The following PPP1R13B variants were observed in gnomAD, a reference collection of about 807,000 sequenced individuals.
The protein encoded by PPP1R13B is protein phosphatase 1 regulatory subunit 13B.
A neutral mutation model predicts 119.8 loss-of-function variants in PPP1R13B; 44 were observed. That is an observed-to-expected ratio of 0.37 (90% CI 0.29 to 0.47). PPP1R13B has a LOEUF of 0.47. Ranked by LOEUF, PPP1R13B falls within the 20% of genes least tolerant of loss-of-function variation. PPP1R13B has a pLI of 0.99. For missense variants in PPP1R13B, 1,227 were observed against 1,413.5 expected, an observed-to-expected ratio of 0.87 and a Z score of 2.12; for synonymous variants, 542 against 561.5, an observed-to-expected ratio of 0.97 and a Z score of 0.49.
chr14:103,748,856 T>C (rs977493417), intron 8 of PPP1R13B, among the ~76,000 whole-genome samples: 47 of 152,146 alleles, frequency 3.1e-4, no homozygotes. Flanking sequence ...CAGAATGAAG[T>C]AACGACCTGG....
intron 7 of PPP1R13B, among the ~76,000 whole-genome samples, chr14:103,751,379 TTACTC>T: frequency 6.6e-6 from 1 of 152,346 alleles, no homozygotes; most frequent in East Asian, 1.9e-4. Flanking sequence ...ACAAGTGATT[TTACTC>T]TATGTAGTTA....
At chr14:103,741,312 T>A (rs1320012223) in intron 11 of PPP1R13B, among the ~76,000 whole-genome samples, 1 of 152,194 alleles carries the variant, frequency 6.6e-6, no homozygotes, top group Non-Finnish European at 1.5e-5. Flanking sequence ...CTGAGCTCCA[T>A]AACCCAAACC....
chr14:103,761,589 C>T (rs577137320), intron 4 of PPP1R13B, among the ~76,000 whole-genome samples: 1 of 152,068 alleles, frequency 6.6e-6, no homozygotes, highest in East Asian at 1.9e-4. Flanking sequence ...TGGTGAAACA[C>T]TGTCTCTACT....
chr14:103,800,937 G>A (rs1009884543), intron 1 of PPP1R13B, among the ~76,000 whole-genome samples: 2 of 151,816 alleles, frequency 1.3e-5, no homozygotes, highest in African/African-American at 2.4e-5. Context: ...TGCAACCTCC[G>A]CCTCCTGGGT....
intron 8 of PPP1R13B, among the ~76,000 whole-genome samples, chr14:103,748,989 C>G (rs1326946875): frequency 1.3e-5 from 2 of 152,172 alleles, no homozygotes; most frequent in African/African-American, 4.8e-5. Context: ...AAGACTGGAA[C>G]CATTAGCAAC....
At chr14:103,819,331 C>A (rs761511277) in intron 1 of PPP1R13B, among the ~76,000 whole-genome samples, 3 of 151,866 alleles carry the variant, frequency 2.0e-5, no homozygotes, top group Non-Finnish European at 4.4e-5. Context: ...AGGCGGGGAA[C>A]AAGCACAGAA....
At chr14:103,790,046 G>A (rs2085577736) in intron 2 of PPP1R13B, among the ~76,000 whole-genome samples, 1 of 151,832 alleles carries the variant, frequency 6.6e-6, no homozygotes, top group Admixed American at 6.6e-5. Flanking sequence ...AAGAGTTCCA[G>A]ACCAGCCTGG....
intron 1 of PPP1R13B, among the ~76,000 whole-genome samples, chr14:103,815,301 G>A (rs2086252161): frequency 6.6e-6 from 1 of 152,144 alleles, no homozygotes; most frequent in African/African-American, 2.4e-5. Context: ...GGGAGTGACT[G>A]AAAAATGGGT....
upstream of PPP1R13B, chr14:103,847,721 C>T (rs2087098197): frequency 1.3e-6 from 1 of 763,658 alleles, no homozygotes; most frequent in South Asian, 5.9e-5. Context: ...CCGCCCGCTA[C>T]CCTCGCTCTC....
chr14:103,757,360 C>G (rs1174981609), intron 5 of PPP1R13B, among the ~76,000 whole-genome samples: 1 of 152,144 alleles, frequency 6.6e-6, no homozygotes, highest in East Asian at 1.9e-4. Context: ...GGCCCCTTTC[C>G]AAATTTTATC....
At chr14:103,806,015 C>T (rs1043803075) in intron 1 of PPP1R13B, among the ~76,000 whole-genome samples, 4 of 152,112 alleles carry the variant, frequency 2.6e-5, no homozygotes, top group Admixed American at 1.3e-4. Flanking sequence ...GTAAACTTTA[C>T]GGCACATAAA....
In PPP1R13B at chr14:103,742,086, G is replaced by C. The variant is rs778644988; in HGVS notation, c.1526C>G (p.Thr509Ser). The C allele has an allele frequency of 8.7e-6, 14 of 1,613,884 alleles. No individual in the cohort carries two copies. The highest frequency in any genetic ancestry group is 1.1e-5 in the Non-Finnish European group (13 of 1,179,972). The change falls in exon 11 of 17, where the codon ACC (threonine) becomes AGC (serine). Residue 509 changes from threonine (T) to serine (S), a missense_variant. Transcript: ENST00000202556. This position sits in a 1 kb window ranked among gnomAD's most constrained non-coding sequence, Gnocchi z 4.9. ...RPTLLPATGS[T>S]PQPGSSQQIQ... is the part of the protein sequence containing the mutation. ...CTGTTGTGAGGAGCCTGGCTGGGGG[G>C]TGCTGCCTGTGGCGGGCAGCAGGGT...
intron 2 of PPP1R13B, among the ~76,000 whole-genome samples, chr14:103,786,866 C>G (rs958386784): frequency 1.3e-5 from 2 of 150,538 alleles, no homozygotes; most frequent in Admixed American, 1.3e-4. Flanking sequence ...AGCCAACACA[C>G]CTGGCTAATT....
chr14:103,750,797 C>T (rs769560955), intron 7 of PPP1R13B, among the ~76,000 whole-genome samples: 49 of 151,736 alleles, frequency 3.2e-4, no homozygotes, highest in Non-Finnish European at 5.0e-4. Flanking sequence ...CCCTACTGCA[C>T]TCCAGCCTTG....
chr14:103,817,107 G>C (rs4900599), intron 1 of PPP1R13B, among the ~76,000 whole-genome samples: 1 of 151,750 alleles, frequency 6.6e-6, no homozygotes, highest in Non-Finnish European at 1.5e-5. Flanking sequence ...AAACAAAATT[G>C]CAAGTGCCTG....
Position 103,742,843 on chromosome 14 carries a change from T to C in PPP1R13B, c.1151-20A>G, listed in dbSNP as rs1478924967. On this transcript the variant is annotated intron_variant, in intron 9 of 16. Transcript: ENST00000202556. This position sits in a 1 kb window ranked among gnomAD's most constrained non-coding sequence, Gnocchi z 4.9. ...CATTAGCTTGAAAAGAACACAGAACTTACGTAAAACTTTTCTCAATGTAGT... is the reference window on the plus strand; with the variant it reads ...CATTAGCTTGAAAAGAACACAGAACCTACGTAAAACTTTTCTCAATGTAGT... 1 of 1,613,062 alleles carries C rather than the reference T, an allele frequency of 6.2e-7. No individual in the cohort carries two copies. The highest frequency in any genetic ancestry group is 2.2e-5 in the East Asian group (1 of 44,866).
chr14:103,847,259 C>T, intron 1 of PPP1R13B, 40 bp downstream of exon 1: 1 of 1,179,742 alleles, frequency 8.5e-7, no homozygotes, highest in South Asian at 2.2e-5. Flanking sequence ...CAGCGGCCCG[C>T]GGAGGAAGCC....
In PPP1R13B at chr14:103,799,165, A is replaced by AATTTT. The variant is rs558353128; in HGVS notation, c.10-1652_10-1648dup. 4.1e-3 allele frequency among the ~76,000 whole-genome samples: 620 copies of AATTTT among 151,216 alleles called. 3 individuals are homozygous for AATTTT. The highest frequency in any genetic ancestry group is 0.01 in the Middle Eastern group (3 of 294). On this transcript the variant is annotated intron_variant, in intron 1 of 16. Coordinates refer to ENST00000202556, the MANE Select transcript of PPP1R13B (RefSeq NM_015316.3). ...CAGGCGCATATCACCACGCCCAGCT[A>AATTTT]ATTTTATTTTATTTTATTTATTTAT...
At chr14:103,769,716 T>C (rs1157178650) in intron 4 of PPP1R13B, among the ~76,000 whole-genome samples, 1 of 152,244 alleles carries the variant, frequency 6.6e-6, no homozygotes, top group African/African-American at 2.4e-5. Flanking sequence ...TTCAAGGTTA[T>C]ATATCTTCTG....
Sources: gnomAD v4.1 joint callset for allele counts (sites outside exome capture counted in the v4.1 genomes callset) on GRCh38, gnomAD v4.1.1 for gene constraint, Gnocchi (gnomAD v3.1) non-coding constraint, MANE v1.5 for transcripts, NCBI Gene and HGNC (gene_info 2026-07-23, HGNC 2026-07-21) for gene names.